Variants in SNX18 observed in about 807,000 individuals in gnomAD.
SNX18 encodes the protein sorting nexin 18.
In SNX18, 35 loss-of-function variants were observed where a neutral mutation model predicts 48.7. The ratio of observed to expected loss-of-function variants is 0.72; its 90% confidence interval spans 0.55 to 0.95. The LOEUF is 0.95. SNX18 is among the 40% of genes least tolerant of loss of function. The probability of loss-of-function intolerance (pLI) is 0.00; values close to 1 mark genes in which losing one functional copy is unlikely to be tolerated. For synonymous variants in SNX18, 492 were observed against 384.7 expected, an observed-to-expected ratio of 1.28 and a Z score of -3.26; for missense variants, 824 against 871.0, an observed-to-expected ratio of 0.95 and a Z score of 0.68.
downstream of SNX18, among the ~76,000 whole-genome samples, chr5:54,549,029 A>G (rs1762614808): frequency 6.6e-6 from 1 of 152,020 alleles, no homozygotes; most frequent in Admixed American, 6.5e-5. Context: ...TTATATTTTT[A>G]TTTGTATTTT....
chr5:54,598,581 C>T, the SNX18 span, among the ~76,000 whole-genome samples: 22 of 152,042 alleles, frequency 1.4e-4, no homozygotes, highest in South Asian at 6.2e-4. Context: ...GTTCAACATA[C>T]GCAAATCAAT....
chr5:54,528,338 A>G (rs1395785063), intron 1 of SNX18, among the ~76,000 whole-genome samples: 1 of 152,198 alleles, frequency 6.6e-6, no homozygotes, highest in Admixed American at 6.5e-5. Context: ...AGGCCCACTC[A>G]GTTCCTTGAG....
the SNX18 span, among the ~76,000 whole-genome samples, chr5:54,634,497 A>G: frequency 6.6e-6 from 1 of 152,170 alleles, no homozygotes; most frequent in Non-Finnish European, 1.5e-5. Context: ...ACAATTTCAT[A>G]AACTTTTCTA....
At chr5:54,549,943 C>T (rs1240056193), downstream of SNX18, among the ~76,000 whole-genome samples, 1 of 152,154 alleles carries the variant, frequency 6.6e-6, no homozygotes, top group East Asian at 1.9e-4. Flanking sequence ...TTGTTCAACC[C>T]AGCAGTTTTA....
chr5:54,587,333 G>A, the SNX18 span, among the ~76,000 whole-genome samples: 1 of 152,054 alleles, frequency 6.6e-6, no homozygotes, highest in Non-Finnish European at 1.5e-5. Flanking sequence ...TAAACAAGTG[G>A]TTATTTATAT....
chr5:54,600,710 A>G, the SNX18 span, among the ~76,000 whole-genome samples: 2 of 152,234 alleles, frequency 1.3e-5, no homozygotes, highest in Non-Finnish European at 2.9e-5. Context: ...CATTATCCTC[A>G]GCAAACTAAC....
chr5:54,544,871 A>G lies in SNX18; in HGVS notation c.*1439A>G, dbSNP rs1047465335. ...AAAAATTGTCACTGTTAGAGTATCT[A>G]CTGTTTTTATGAAGTCAAACTTATG... is the stretch of plus-strand genomic sequence containing the variant. On this transcript the variant is annotated 3_prime_UTR_variant, in exon 2 of 2. Transcript: ENST00000381410. 2.0e-5 allele frequency: 3 copies of G among 152,162 alleles called. No individual in the cohort carries two copies. Among genetic ancestry groups the G allele is most frequent in the East Asian group, 1.9e-4 (1 of 5,186 alleles). 9.4% of individuals were successfully genotyped at this position (152,162 alleles called of 1,614,324 possible).
chr5:54,518,427 G>A lies in SNX18; in HGVS notation c.475G>A (p.Asp159Asn). ...GSDDDWDDEW[D>N]DSSTVADEPG... ...CGATGATGACTGGGACGACGAGTGG[G>A]ACGACAGCTCCACGGTGGCGGACGA... is the stretch of plus-strand genomic sequence containing the variant. Residue 159 changes from aspartate (D) to asparagine (N), a missense_variant, in exon 1 of 2, where the codon GAC becomes AAC. By Grantham distance (23) the Asp-to-Asn change is conservative. Around this residue, in one of 3 missense-constraint regions of SNX18, gnomAD observed 377 missense variants for 350.6 expected, o/e 1.08. Transcript: ENST00000381410. 6.3e-7 allele frequency: 1 copy of A among 1,582,432 alleles called. No individual in the cohort carries two copies. Among genetic ancestry groups the A allele is most frequent in the South Asian group, 1.1e-5 (1 of 87,378 alleles).
rs1475559248 is a variant in SNX18 at position 54,518,411 on chromosome 5, CTGGGACGACGAG to C, written c.469_480del (p.Glu157_Asp160del). ...AGGCCAGCCAAGGCAGCGATGATGACTGGGACGACGAGTGGGACGACAGCTCCACGGTGGCGG... is the reference window on the plus strand; with the variant it reads ...AGGCCAGCCAAGGCAGCGATGATGACTGGGACGACAGCTCCACGGTGGCGG... On this transcript the variant is annotated inframe_deletion, in exon 1 of 2. Transcript: ENST00000381410. 14 of 1,586,442 alleles carry C rather than the reference CTGGGACGACGAG, an allele frequency of 8.8e-6. No individual in the cohort carries two copies. Among genetic ancestry groups the C allele is most frequent in the Non-Finnish European group, 1.2e-5 (14 of 1,167,242 alleles).
At chr5:54,588,429 A>G in the SNX18 span, among the ~76,000 whole-genome samples, 1 of 143,266 alleles carries the variant, frequency 7.0e-6, no homozygotes, top group Non-Finnish European at 1.5e-5. Flanking sequence ...CCAGGTTCAC[A>G]CCATTCTCCT....
At chr5:54,641,631 T>C in the SNX18 span, among the ~76,000 whole-genome samples, 1 of 152,170 alleles carries the variant, frequency 6.6e-6, no homozygotes, top group Non-Finnish European at 1.5e-5. Context: ...GAGCTTTGAG[T>C]ATCTACTATT....
At chr5:54,550,652 T>A (rs1295413508), downstream of SNX18, among the ~76,000 whole-genome samples, 2 of 152,172 alleles carry the variant, frequency 1.3e-5, no homozygotes, top group Non-Finnish European at 2.9e-5. Flanking sequence ...GGTGCGATCT[T>A]AGCTTACTGC....
the SNX18 span, among the ~76,000 whole-genome samples, chr5:54,554,042 T>G: frequency 9.2e-5 from 14 of 152,338 alleles, no homozygotes; most frequent in Non-Finnish European, 1.9e-4. Context: ...TCCGTGGAGC[T>G]CCCATGCTCT....
downstream of SNX18, among the ~76,000 whole-genome samples, chr5:54,547,591 T>C (rs1026238143): frequency 3.3e-5 from 5 of 152,198 alleles, no homozygotes; most frequent in African/African-American, 1.2e-4. Flanking sequence ...CCATTTCTGC[T>C]GGGAAAGGTG....
the SNX18 span, among the ~76,000 whole-genome samples, chr5:54,635,787 C>G: frequency 6.6e-6 from 1 of 152,212 alleles, no homozygotes; most frequent in Non-Finnish European, 1.5e-5. Context: ...ATTTAATGCT[C>G]TGCTGCTGCC....
rs1761899443 is a variant in SNX18, at chr5:54,517,970, G to A, written c.18G>A (p.Arg6=). 6.6e-6 allele frequency: 10 copies of A among 1,523,074 alleles called. 1 individual carries two copies. The South Asian group carries it at 8.5e-5, about 13-fold the overall frequency. The allele number at this position is 1,523,074 out of a possible 1,614,324, so 94.3% of individuals were successfully genotyped here. A position where few individuals can be genotyped will look rare whatever the true frequency, so the allele number is the denominator to read the frequency against. MALRA[R]ALYDFRSENP... is the part of the protein sequence containing the mutation. ...CCGGGACCATGGCGCTGCGCGCCCG[G>A]GCGCTGTACGACTTCAGGTCGGAGA... Residue 6 remains arginine (R), a synonymous_variant, in exon 1 of 2, where the codon CGG becomes CGA. Transcript: ENST00000381410.
chr5:54,548,413 A>G (rs147821677), downstream of SNX18, among the ~76,000 whole-genome samples: 1,098 of 152,292 alleles, frequency 7.2e-3, 3 homozygotes, highest in Middle Eastern at 0.014. Context: ...ACTCCAGGAA[A>G]TGGCTCTCAG....
At chr5:54,624,855 GGAGGGTAAA>G in the SNX18 span, among the ~76,000 whole-genome samples, 2 of 152,208 alleles carry the variant, frequency 1.3e-5, no homozygotes, top group Non-Finnish European at 2.9e-5. Context: ...GGGAGTGAAT[GGAGGGTAAA>G]CAGCTGTCAG....
At chr5:54,573,478 A>G in the SNX18 span, among the ~76,000 whole-genome samples, 6 of 152,142 alleles carry the variant, frequency 3.9e-5, no homozygotes, top group Non-Finnish European at 8.8e-5. Context: ...CTCAAATTGC[A>G]TGTTCTGGGA....
Sources: gnomAD v4.1 joint callset for allele counts (sites outside exome capture counted in the v4.1 genomes callset) on GRCh38, gnomAD v4.1.1 for gene constraint, gnomAD v4.1.1 regional missense constraint, MANE v1.5 for transcripts, NCBI Gene and HGNC (gene_info 2026-07-23, HGNC 2026-07-21) for gene names.